Variants in MACROD2 observed in about 807,000 individuals in gnomAD.
The protein encoded by MACROD2 is mono-ADP ribosylhydrolase 2, also known as ADP-ribose glycohydrolase MACROD2.
Under a neutral mutation model 70.4 loss-of-function variants are expected in MACROD2, and 36 were observed. The ratio of observed to expected loss-of-function variants is 0.51; its 90% confidence interval spans 0.39 to 0.68. MACROD2 has a LOEUF of 0.68. Among genes scored for constraint, MACROD2 ranks in the 30% least tolerant of loss-of-function variants. The probability of loss-of-function intolerance (pLI) is 0.00; values close to 1 mark genes in which losing one functional copy is unlikely to be tolerated. For missense variants in MACROD2, 496 were observed against 538.4 expected (o/e 0.92, Z 0.78); for synonymous variants, 172 against 178.8 (o/e 0.96, Z 0.30).
rs148441079 is a variant in MACROD2, at chr20:14,396,707, C to T, written c.272-96772C>T. Among the ~76,000 whole-genome samples, 117 of 152,040 alleles carry T rather than the reference C, an allele frequency of 7.7e-4. No homozygotes were observed. The East Asian group carries it at 0.012, about 16-fold the overall frequency. On this transcript the variant is annotated intron_variant, in intron 3 of 17. Transcript: ENST00000684519. The stretch of plus-strand genomic sequence containing the variant: ...TTGGGAGGCTGAGGAGGGCGGATTA[C>T]GAGGTCAGGAGATCAAGACCATCCT...
At chr20:14,758,136 C>T (rs2071967026) in intron 5 of MACROD2, 1 of 326,630 alleles carries the variant, frequency 3.1e-6, no homozygotes, top group South Asian at 4.4e-5. Flanking sequence ...TCTAAACCCT[C>T]ACTGATTTCA....
intron 3 of MACROD2, among the ~76,000 whole-genome samples, chr20:14,431,830 T>C (rs1325204794): frequency 1.3e-5 from 2 of 152,140 alleles, no homozygotes; most frequent in African/African-American, 4.8e-5. Context: ...GGCCTTCTTA[T>C]TCATCCTTAA....
chr20:15,394,351 G>C (rs576359750), intron 6 of MACROD2, among the ~76,000 whole-genome samples: 3 of 152,306 alleles, frequency 2.0e-5, no homozygotes, highest in Non-Finnish European at 4.4e-5. Flanking sequence ...CCTCTTGTAA[G>C]ATAGCATCTT....
chr20:14,851,679 G>A (rs937054550), intron 5 of MACROD2, among the ~76,000 whole-genome samples: 2 of 152,082 alleles, frequency 1.3e-5, no homozygotes, highest in Admixed American at 6.5e-5. Flanking sequence ...AGATGTACAC[G>A]GATCTAGGAT....
intron 3 of MACROD2, among the ~76,000 whole-genome samples, chr20:14,129,086 A>G (rs1402266194): frequency 6.6e-6 from 1 of 152,242 alleles, no homozygotes. Context: ...AGTATATTTT[A>G]TAAGGCTATA....
intron 4 of MACROD2, among the ~76,000 whole-genome samples, chr20:14,658,565 T>C (rs1481659004): frequency 4.6e-5 from 7 of 152,186 alleles, no homozygotes; most frequent in Non-Finnish European, 7.3e-5. Context: ...CTTTAGAAAT[T>C]GAGGAAGTTA....
rs367933495 is a variant in MACROD2 at position 14,067,853 on chromosome 20, A to G, written c.164-17768A>G. ...CACAGTGACTCAGCACATGGGTTCT[A>G]GAATCAGACTTCCATTGTTCAAATC... On this transcript the variant is annotated intron_variant, in intron 2 of 17. Coordinates refer to ENST00000684519, the MANE Select transcript of MACROD2 (RefSeq NM_001351661.2). Among the ~76,000 whole-genome samples, 57 of 152,202 alleles carry G rather than the reference A, an allele frequency of 3.7e-4. 4 individuals are homozygous for G. In the East Asian group the frequency reaches 4.2e-3, roughly 11 times the overall value.
intron 5 of MACROD2, among the ~76,000 whole-genome samples, chr20:14,963,316 T>C (rs1397835324): frequency 6.6e-6 from 1 of 152,074 alleles, no homozygotes; most frequent in Non-Finnish European, 1.5e-5. Flanking sequence ...AAGTGCCCTG[T>C]TTTGCCCTTC....
intron 4 of MACROD2, among the ~76,000 whole-genome samples, chr20:14,541,928 G>T (rs2085438256): frequency 6.6e-6 from 1 of 152,066 alleles, no homozygotes. Flanking sequence ...TCATCAAATG[G>T]CATGAAACTC....
chr20:14,879,740 TTC>T (rs2073590019), intron 5 of MACROD2, among the ~76,000 whole-genome samples: 1 of 152,296 alleles, frequency 6.6e-6, no homozygotes, highest in African/African-American at 2.4e-5. Context: ...GTCATTGTGC[TTC>T]TCTCTTTTTA....
At chr20:14,705,247 C>T (rs1048005898) in intron 5 of MACROD2, among the ~76,000 whole-genome samples, 2 of 152,218 alleles carry the variant, frequency 1.3e-5, no homozygotes, top group Non-Finnish European at 2.9e-5. Flanking sequence ...TCTCTCCGTT[C>T]GTCTCACCTA....
intron 8 of MACROD2, among the ~76,000 whole-genome samples, chr20:15,507,860 G>A (rs961279910): frequency 6.6e-6 from 1 of 152,222 alleles, no homozygotes; most frequent in Non-Finnish European, 1.5e-5. Flanking sequence ...TAGCCCTGTT[G>A]TGGTCAATAG....
At chr20:14,328,135 G>A (rs1220197261) in intron 3 of MACROD2, among the ~76,000 whole-genome samples, 1 of 151,960 alleles carries the variant, frequency 6.6e-6, no homozygotes, top group Admixed American at 6.6e-5. Flanking sequence ...AGTTTGCTTT[G>A]ATTATTAATG....
chr20:15,929,675 A>T (rs191253193), intron 10 of MACROD2, among the ~76,000 whole-genome samples: 1 of 152,318 alleles, frequency 6.6e-6, no homozygotes. Flanking sequence ...GTCACCATGT[A>T]GCGTTCACAA....
chr20:15,056,118 C>T (rs1457731221), intron 5 of MACROD2, among the ~76,000 whole-genome samples: 1 of 152,132 alleles, frequency 6.6e-6, no homozygotes, highest in Non-Finnish European at 1.5e-5. Flanking sequence ...TACTTGACAG[C>T]TGCAAGACAG....
chr20:15,660,825 A>G (rs2049810772), intron 8 of MACROD2, among the ~76,000 whole-genome samples: 1 of 144,124 alleles, frequency 6.9e-6, no homozygotes, highest in Non-Finnish European at 1.5e-5. Context: ...AGACCCTTCA[A>G]CGTTATGTTT....
intron 3 of MACROD2, among the ~76,000 whole-genome samples, chr20:14,372,540 T>C (rs577278742): frequency 6.6e-6 from 1 of 152,286 alleles, no homozygotes; most frequent in East Asian, 1.9e-4. Context: ...ACCAATTTTC[T>C]TGGTTAAAAA....
At chr20:14,084,740 G>A (rs1287030411) in intron 2 of MACROD2, among the ~76,000 whole-genome samples, 1 of 151,912 alleles carries the variant, frequency 6.6e-6, no homozygotes, top group African/African-American at 2.4e-5. Flanking sequence ...GCACCCTCTA[G>A]AGCAAAAGGT....
chr20:14,637,623 T>A (rs879366951), intron 4 of MACROD2, among the ~76,000 whole-genome samples: 1 of 152,218 alleles, frequency 6.6e-6, no homozygotes, highest in African/African-American at 2.4e-5. Context: ...GCCAATCCCC[T>A]GTTGCTCACA....
Sources: allele counts gnomAD v4.1 joint callset (sites outside exome capture counted in the v4.1 genomes callset), GRCh38; gene constraint gnomAD v4.1.1; transcripts MANE v1.5; gene names NCBI Gene and HGNC (gene_info 2026-07-23, HGNC 2026-07-21).